The following PTPRU variants were observed in gnomAD, a reference collection of about 807,000 sequenced individuals.
The protein encoded by PTPRU is receptor-type tyrosine-protein phosphatase U.
A neutral mutation model predicts 166.3 loss-of-function variants in PTPRU; 69 were observed. The observed-to-expected ratio is 0.41, with a 90% CI of 0.34 to 0.51. The LOEUF is 0.51. Ranked by LOEUF, PTPRU falls within the 20% of genes least tolerant of loss-of-function variation. The pLI, the probability that PTPRU is intolerant of heterozygous loss-of-function variation, is 0.09. For synonymous variants in PTPRU, 793 were observed against 814.0 expected, an observed-to-expected ratio of 0.97 and a Z score of 0.44; for missense variants, 1,657 against 2,013.7, an observed-to-expected ratio of 0.82 and a Z score of 3.39.
At chr1:29,302,340 G>A (rs757560145) in intron 15 of PTPRU, among the ~76,000 whole-genome samples, 11 of 152,106 alleles carry the variant, frequency 7.2e-5, no homozygotes, top group African/African-American at 1.7e-4. Context: ...GTAAGCTAAG[G>A]TTAATTTATT....
intron 24 of PTPRU, among the ~76,000 whole-genome samples, chr1:29,316,793 C>T (rs1362714190): frequency 6.6e-6 from 1 of 152,202 alleles, no homozygotes; most frequent in Non-Finnish European, 1.5e-5. Context: ...TTCATGTTCC[C>T]ATCCCTGGAC....
intron 18 of PTPRU, among the ~76,000 whole-genome samples, chr1:29,308,195 G>A (rs1384990902): frequency 6.6e-6 from 1 of 151,570 alleles, no homozygotes; most frequent in East Asian, 1.9e-4. Flanking sequence ...CTGCAGCCTT[G>A]AAGTCCTATG....
At chr1:29,283,078 C>A (rs1686166741) in intron 12 of PTPRU, 129 bp downstream of exon 12, 2 of 1,329,036 alleles carry the variant, frequency 1.5e-6, no homozygotes, top group Non-Finnish European at 2.1e-6. Context: ...TCCCATAGCC[C>A]CACCTCCCAT....
intron 1 of PTPRU, among the ~76,000 whole-genome samples, chr1:29,252,932 G>A (rs1277111044): frequency 6.6e-6 from 1 of 152,174 alleles, no homozygotes; most frequent in Non-Finnish European, 1.5e-5. Context: ...CATGGGTTGA[G>A]GGCTCAGTCC....
At chr1:29,313,652 T>G (rs541902182) in intron 22 of PTPRU, among the ~76,000 whole-genome samples, 112 of 152,236 alleles carry the variant, frequency 7.4e-4, no homozygotes, top group Non-Finnish European at 1.3e-3. Context: ...GGCCCAAAGT[T>G]CGAGACCAGC....
rs1686016343 is a variant in PTPRU, at chr1:29,280,531, G to A, written c.1868+390G>A. 6.6e-6 allele frequency among the ~76,000 whole-genome samples: 1 copy of A among 152,282 alleles called. No homozygotes were observed. The highest frequency in any genetic ancestry group is 2.1e-4 in the South Asian group (1 of 4,818). ...AAGGCTGGGGCAGCCAGCCAGATAG[G>A]GCCATCTCTCTGGAATGGCTAGGAG... On this transcript the variant is annotated intron_variant, in intron 11 of 29. Transcript: ENST00000373779. The surrounding 1 kb of genome is among the most constrained non-coding windows in gnomAD (Gnocchi z 4.2).
At position 29,291,931 on chromosome 1, in the gene PTPRU, G is replaced by A. The variant is rs767916161; in HGVS notation, c.2381G>A (p.Ser794Asn). 4 of 1,614,184 alleles carry A rather than the reference G, an allele frequency of 2.5e-6. No individual in the cohort carries two copies. Among genetic ancestry groups the A allele is most frequent in the Non-Finnish European group, 3.4e-6 (4 of 1,180,044 alleles). The change falls in exon 15 of 30, where the codon AGC (serine) becomes AAC (asparagine). Residue 794 changes from serine to asparagine, a missense_variant. By Grantham distance (46) the Ser-to-Asn change is conservative. Around this residue, in one of 3 missense-constraint regions of PTPRU, gnomAD observed 1,190 missense variants for 1,477.4 expected, o/e 0.81. Coordinates refer to ENST00000373779, the MANE Select transcript of PTPRU (RefSeq NM_133178.4). The surrounding 1 kb of genome is among the most constrained non-coding windows in gnomAD (Gnocchi z 4.1). The stretch of plus-strand genomic sequence containing the variant: ...CGCCAGGAGAAGACACACATGATGA[G>A]CGCCGTGGACCGCAGCTTCACAGAC... ...NYRQEKTHMM[S>N]AVDRSFTDQS...
chr1:29,279,171 G>T lies in PTPRU; in HGVS notation c.1563+50G>T. 1 of 1,441,418 alleles carries T rather than the reference G, an allele frequency of 6.9e-7. No individual in the cohort carries two copies. The highest frequency in any genetic ancestry group is 9.5e-7 in the Non-Finnish European group (1 of 1,047,612). 89.3% of individuals were successfully genotyped at this position (1,441,418 alleles called of 1,614,324 possible). On this transcript the variant is annotated intron_variant, in intron 9 of 29. Transcript: ENST00000373779. The surrounding 1 kb of genome is among the most constrained non-coding windows in gnomAD (Gnocchi z 5.2). ...GGGGGACCCTGGTGGAAGGTGAGAGGTGGCCCTCTTTCTCTCTGCTGCTAC... is the reference window on the plus strand; with the variant it reads ...GGGGGACCCTGGTGGAAGGTGAGAGTTGGCCCTCTTTCTCTCTGCTGCTAC...
At chr1:29,272,394 C>T (rs961946285) in intron 7 of PTPRU, among the ~76,000 whole-genome samples, 2 of 152,052 alleles carry the variant, frequency 1.3e-5, no homozygotes, top group African/African-American at 4.8e-5. Context: ...AATCTCTCTT[C>T]GATGGCTCCA....
Position 29,279,781 on chromosome 1 carries a change from A to C in PTPRU, c.1765+124A>C. 1 of 1,205,696 alleles carries C rather than the reference A, an allele frequency of 8.3e-7. No individual in the cohort carries two copies. The allele number at this position is 1,205,696 out of a possible 1,614,324, so 74.7% of individuals were successfully genotyped here. On this transcript the variant is annotated intron_variant, in intron 10 of 29. Transcript: ENST00000373779. This position sits in a 1 kb window ranked among gnomAD's most constrained non-coding sequence, Gnocchi z 5.2. ...ACAGAGGGCCCCTGCTGAGATAAAT[A>C]TGCCATTTAGGAGTTAAAGTCAGGC...
At chr1:29,286,128 CAA>C (rs1686334793) in intron 14 of PTPRU, among the ~76,000 whole-genome samples, 1 of 152,082 alleles carries the variant, frequency 6.6e-6, no homozygotes, top group South Asian at 2.1e-4. Context: ...CAGACACCAG[CAA>C]GAGAGAGAGA....
intron 1 of PTPRU, among the ~76,000 whole-genome samples, chr1:29,245,453 T>A (rs1032950890): frequency 2.6e-4 from 40 of 152,172 alleles, no homozygotes; most frequent in African/African-American, 9.4e-4. Context: ...GGAGGCATCA[T>A]GACCCTCCCA....
chr1:29,317,927 A>T lies in PTPRU; in HGVS notation c.3687+6A>T, dbSNP rs1687977975. The stretch of plus-strand genomic sequence containing the variant: ...TTAATGCAGCCCTGACTGACGTGAG[A>T]GCTTGGGGTGGAGTGGGCTCTGGGG... On this transcript the variant is annotated splice_donor_region_variant and intron_variant, in intron 25 of 29. Coordinates refer to ENST00000373779, the MANE Select transcript of PTPRU (RefSeq NM_133178.4). This position sits in a 1 kb window ranked among gnomAD's most constrained non-coding sequence, Gnocchi z 5.6. The T allele has an allele frequency of 1.2e-6, 2 of 1,613,428 alleles. No homozygotes were observed. Among genetic ancestry groups the T allele is most frequent in the Non-Finnish European group, 1.7e-6 (2 of 1,179,864 alleles).
intron 1 of PTPRU, among the ~76,000 whole-genome samples, chr1:29,245,764 T>C (rs1228899876): frequency 6.6e-6 from 1 of 152,174 alleles, no homozygotes; most frequent in African/African-American, 2.4e-5. Context: ...GGAAGGTGAA[T>C]TCTCCTGGGT....
intron 5 of PTPRU, 36 bp downstream of exon 5, chr1:29,259,600 T>TGGGGGTTTTTTGGGGGGGGGGGGGGGG: frequency 3.9e-6 from 1 of 253,692 alleles, no homozygotes; most frequent in Non-Finnish European, 7.7e-6. Context: ...GGGGGCGGGG[T>TGGGGGTTTTTTGGGGGGGGGGGGGGGG]GGGAGGGGGT....
rs769615008 is a variant in PTPRU, at chr1:29,255,239, GC to G, written c.74-34del. 1.4e-5 allele frequency: 22 copies of G among 1,603,138 alleles called. No homozygotes were observed. The African/African-American group carries it at 2.8e-4, about 20-fold the overall frequency. ...AGGAGCCCTCCTGGCCAGCAGCCCT[GC>G]CTTAGCCTGGGCTAACCAGGCCCTG... On this transcript the variant is annotated intron_variant, in intron 1 of 29. Transcript: ENST00000373779.
At chr1:29,243,018 C>T (rs1413128758) in intron 1 of PTPRU, among the ~76,000 whole-genome samples, 1 of 152,138 alleles carries the variant, frequency 6.6e-6, no homozygotes, top group African/African-American at 2.4e-5. Context: ...CAGCCTCAGC[C>T]TCCCAAGTAG....
intron 1 of PTPRU, among the ~76,000 whole-genome samples, chr1:29,252,489 A>G (rs965983635): frequency 2.6e-5 from 4 of 151,808 alleles, no homozygotes; most frequent in Admixed American, 6.6e-5. Flanking sequence ...GCTGGTCTTG[A>G]ACTCCTGACC....
At chr1:29,266,698 T>C (rs1685320736) in intron 7 of PTPRU, among the ~76,000 whole-genome samples, 1 of 152,192 alleles carries the variant, frequency 6.6e-6, no homozygotes, top group African/African-American at 2.4e-5. Flanking sequence ...GCTTATTGAG[T>C]GTCTATTACG....
Sources: gnomAD v4.1 joint callset for allele counts (sites outside exome capture counted in the v4.1 genomes callset) on GRCh38, gnomAD v4.1.1 for gene constraint, gnomAD v4.1.1 regional missense constraint, Gnocchi (gnomAD v3.1) non-coding constraint, MANE v1.5 for transcripts, NCBI Gene and HGNC (gene_info 2026-07-23, HGNC 2026-07-21) for gene names.